FBXO27: variants seen among roughly 807,000 people sequenced by gnomAD.
FBXO27 encodes F-box only protein 27.
FBXO27 carries 28 observed loss-of-function variants against 28.3 expected under a neutral mutation model. That is an observed-to-expected ratio of 0.99 (90% confidence interval 0.73 to 1.36). The LOEUF is 1.36. Ranked by LOEUF, FBXO27 falls within the 40% of genes most tolerant of loss-of-function variation. FBXO27 has a pLI of 0.00. For missense variants in FBXO27, 388 were observed against 394.1 expected (o/e 0.98, Z 0.13); for synonymous variants, 175 against 167.3 (o/e 1.05, Z -0.36).
rs34249268 is a variant in FBXO27 at position 39,012,188 on chromosome 19, CT to C, written c.252+2198del. Among the ~76,000 whole-genome samples, 346 of 133,264 alleles carry C rather than the reference CT, an allele frequency of 2.6e-3. 1 individual carries two copies. The highest frequency in any genetic ancestry group is 6.6e-3 in the African/African-American group (234 of 35,462). 87.4% of individuals were successfully genotyped at this position (133,264 alleles called of 152,430 possible). ...CCAAAAATGTCCTGAATTTATTAAC[CT>C]TTTTTTTTTTTTTTGAGACAGTTTC... On this transcript the variant is annotated intron_variant, in intron 2 of 2. Transcript: ENST00000598394.
At chr19:39,014,974 C>T (rs542305718) in intron 1 of FBXO27, among the ~76,000 whole-genome samples, 7 of 148,384 alleles carry the variant, frequency 4.7e-5, no homozygotes, top group East Asian at 4.0e-4. Context: ...GCCGAGATCA[C>T]GCTATTGCAC....
chr19:39,020,411 C>T (rs896758144), downstream of FBXO27, among the ~76,000 whole-genome samples: 1 of 152,010 alleles, frequency 6.6e-6, no homozygotes, highest in Admixed American at 6.6e-5. Flanking sequence ...AAGAACCCCA[C>T]GAATGCAACA....
rs959930281 is a variant in FBXO27, at chr19:39,025,552, G to T, written c.711C>A (p.Val237=). Residue 237 remains valine, a splice_region_variant and synonymous_variant, in exon 6 of 6, where the codon GTC becomes GTA. Transcript: ENST00000292853. ...TCTTGATGTTGGAGAACACGTGGGT[G>T]ACCTGTAGGCAGAGGAGGGGCTCAG... ...PQWNNNACLH[V]THVFSNIKMG... 6.2e-7 allele frequency: 1 copy of T among 1,613,140 alleles called. No individual in the cohort carries two copies. The highest frequency in any genetic ancestry group is 1.3e-5 in the African/African-American group (1 of 74,920).
chr19:39,019,474 A>C (rs929133269), downstream of FBXO27, among the ~76,000 whole-genome samples: 5 of 141,148 alleles, frequency 3.5e-5, no homozygotes, highest in African/African-American at 1.1e-4. Flanking sequence ...AAAAAAAAGA[A>C]AGACATACCT....
chr19:39,008,712 C>T (rs953673309), intron 2 of FBXO27, among the ~76,000 whole-genome samples: 3 of 152,124 alleles, frequency 2.0e-5, no homozygotes, highest in East Asian at 1.9e-4. Context: ...ACAGATTTTC[C>T]GATTCTGGGC....
intron 2 of FBXO27, among the ~76,000 whole-genome samples, chr19:39,012,562 C>T (rs1230037657): frequency 2.0e-5 from 3 of 152,168 alleles, no homozygotes; most frequent in Non-Finnish European, 2.9e-5. Flanking sequence ...ACAGAAGAAA[C>T]ATTTTTATAC....
chr19:39,006,197 G>A (rs1036221059), intron 2 of FBXO27, among the ~76,000 whole-genome samples: 2 of 152,096 alleles, frequency 1.3e-5, no homozygotes, highest in Admixed American at 6.6e-5. Context: ...CGAGGTGGGC[G>A]GATCACTTGA....
At chr19:39,028,427 A>AT (rs1470974104) in intron 4 of FBXO27, among the ~76,000 whole-genome samples, 1 of 151,936 alleles carries the variant, frequency 6.6e-6, no homozygotes, top group African/African-American at 2.4e-5. Flanking sequence ...ACATAGTTTG[A>AT]TAAGTAATAA....
chr19:39,014,139 G>A (rs1376131942), intron 2 of FBXO27, among the ~76,000 whole-genome samples: 9 of 152,314 alleles, frequency 5.9e-5, no homozygotes, highest in South Asian at 2.1e-4. Flanking sequence ...TCTCATAGTC[G>A]AAGTGCTGTT....
Position 39,032,404 on chromosome 19 carries a change from C to T in FBXO27, c.-27+99G>A. On this transcript the variant is annotated intron_variant, in intron 1 of 5. Transcript: ENST00000292853. This position sits in a 1 kb window ranked among gnomAD's most constrained non-coding sequence, Gnocchi z 4.7. ...CATCCCCCAGCCCGTCCTTGATAGC[C>T]CCGATATCCCGGAGACCCCGCGGTC... is the stretch of plus-strand genomic sequence containing the variant. 1.1e-6 allele frequency: 1 copy of T among 915,906 alleles called. No individual in the cohort carries two copies. Among genetic ancestry groups the T allele is most frequent in the South Asian group, 2.2e-5 (1 of 45,838 alleles). 56.7% of individuals were successfully genotyped at this position (915,906 alleles called of 1,614,324 possible).
intron 2 of FBXO27, among the ~76,000 whole-genome samples, chr19:39,009,138 G>A (rs2072783279): frequency 6.6e-6 from 1 of 152,084 alleles, no homozygotes; most frequent in Non-Finnish European, 1.5e-5. Context: ...TTTTTATGAT[G>A]GAATAATTTC....
intron 1 of FBXO27, among the ~76,000 whole-genome samples, chr19:39,018,517 C>T (rs984323598): frequency 5.3e-5 from 8 of 151,962 alleles, no homozygotes; most frequent in South Asian, 2.1e-4. Context: ...AATAACACCA[C>T]GGGACCCATG....
At chr19:39,009,133 ATG>A (rs766720148) in intron 2 of FBXO27, among the ~76,000 whole-genome samples, 11 of 152,194 alleles carry the variant, frequency 7.2e-5, no homozygotes, top group Admixed American at 1.3e-4. Flanking sequence ...ATTCCTTTTT[ATG>A]ATGGAATAAT....
chr19:39,009,595 T>C (rs2072785311), intron 2 of FBXO27, among the ~76,000 whole-genome samples: 1 of 152,200 alleles, frequency 6.6e-6, no homozygotes, highest in Non-Finnish European at 1.5e-5. Flanking sequence ...TATATCTTCT[T>C]TGGAAAAATA....
intron 2 of FBXO27, among the ~76,000 whole-genome samples, chr19:39,007,077 A>AC (rs1975740543): frequency 6.8e-6 from 1 of 147,042 alleles, no homozygotes; most frequent in African/African-American, 2.6e-5. Flanking sequence ...AAAAAAAAAA[A>AC]ATACAGAAAA....
chr19:39,008,153 T>TA (rs1030553647), intron 2 of FBXO27, among the ~76,000 whole-genome samples: 3 of 151,858 alleles, frequency 2.0e-5, no homozygotes, highest in African/African-American at 7.3e-5. Flanking sequence ...TAGTCCCACT[T>TA]ACTTGGGAGG....
chr19:39,031,814 C>G, intron 2 of FBXO27, 50 bp downstream of exon 2: 6 of 1,431,510 alleles, frequency 4.2e-6, no homozygotes, highest in Non-Finnish European at 5.4e-6. Flanking sequence ...GGCCCCGCTA[C>G]CGCTCCCACT....
intron 1 of FBXO27, among the ~76,000 whole-genome samples, chr19:39,017,662 C>CA (rs58873231): frequency 0.051 from 7,259 of 141,242 alleles, 236 homozygotes; most frequent in African/African-American, 0.077. Flanking sequence ...GAGACTGTCT[C>CA]AAAAAAAAAA....
Position 39,025,326 on chromosome 19 carries a change from T to TAAA in FBXO27, c.*84_*85insTTT. The TAAA allele has an allele frequency of 6.7e-7, 1 of 1,500,252 alleles. No homozygotes were observed. The highest frequency in any genetic ancestry group is 2.3e-5 in the East Asian group (1 of 42,650). 92.9% of individuals were successfully genotyped at this position (1,500,252 alleles called of 1,614,324 possible). On this transcript the variant is annotated 3_prime_UTR_variant, in exon 6 of 6. Coordinates refer to ENST00000292853, the MANE Select transcript of FBXO27 (RefSeq NM_178820.5). ...AGTATGCCAGGGAGGTACAAGTGCT[T>TAAA]GGTTGGTTAATGAGGGGTCCCAGCC...
Sources: gnomAD v4.1 joint callset for allele counts (sites outside exome capture counted in the v4.1 genomes callset) on GRCh38, gnomAD v4.1.1 for gene constraint, Gnocchi (gnomAD v3.1) non-coding constraint, MANE v1.5 for transcripts, NCBI Gene and HGNC (gene_info 2026-07-23, HGNC 2026-07-21) for gene names.